Variants in CNBD1 observed in about 807,000 individuals in gnomAD.
CNBD1 encodes the protein cyclic nucleotide-binding domain-containing protein 1.
In CNBD1, 71 loss-of-function variants were observed where a neutral mutation model predicts 54.4. That is an observed-to-expected ratio of 1.30 (90% CI 1.08 to 1.59). CNBD1 has a LOEUF of 1.59. CNBD1 is among the 40% of genes most tolerant of loss of function. The probability of loss-of-function intolerance (pLI) is 0.00; values close to 1 mark genes in which losing one functional copy is unlikely to be tolerated. For synonymous variants in CNBD1, 182 were observed against 170.7 expected, an observed-to-expected ratio of 1.07 and a Z score of -0.51; for missense variants, 659 against 518.0, an observed-to-expected ratio of 1.27 and a Z score of -2.64.
At chr8:87,369,658 G>A (rs544220641) in intron 10 of CNBD1, among the ~76,000 whole-genome samples, 1 of 151,906 alleles carries the variant, frequency 6.6e-6, no homozygotes, top group Non-Finnish European at 1.5e-5. Flanking sequence ...AGTTTCCAAT[G>A]AGAAGTTGCT....
chr8:86,975,328 CCTGT>C (rs1168257700), intron 4 of CNBD1, among the ~76,000 whole-genome samples: 2 of 151,976 alleles, frequency 1.3e-5, no homozygotes, highest in Non-Finnish European at 2.9e-5. Flanking sequence ...CCAGAACCTT[CCTGT>C]CTAATGAAAT....
At chr8:86,971,922 T>C (rs1208540216) in intron 4 of CNBD1, among the ~76,000 whole-genome samples, 2 of 152,172 alleles carry the variant, frequency 1.3e-5, no homozygotes, top group Admixed American at 6.5e-5. Context: ...ATAGATATAT[T>C]TTATTTTCAT....
intron 2 of CNBD1, chr8:87,428,481 A>G (rs1414285621): frequency 2.1e-5 from 7 of 326,116 alleles, no homozygotes; most frequent in Admixed American, 1.7e-4. Context: ...AGGATTAGCA[A>G]TTGCTCTTTT....
chr8:86,992,195 G>A (rs1178399856), intron 4 of CNBD1, among the ~76,000 whole-genome samples: 1 of 152,036 alleles, frequency 6.6e-6, no homozygotes, highest in Non-Finnish European at 1.5e-5. Flanking sequence ...GTGTTCCAAT[G>A]TTGGGTGCAT....
chr8:87,043,013 G>C (rs1810105406), intron 4 of CNBD1, among the ~76,000 whole-genome samples: 2 of 152,200 alleles, frequency 1.3e-5, no homozygotes. Context: ...TGCCAAGACA[G>C]CTGTAGGTAA....
intron 3 of CNBD1, among the ~76,000 whole-genome samples, chr8:86,914,960 T>A (rs895824003): frequency 1.3e-4 from 20 of 152,324 alleles, no homozygotes; most frequent in African/African-American, 4.6e-4. Flanking sequence ...GTTGCCCAGA[T>A]AGAGCCAATT....
chr8:86,879,524 A>G (rs955299322), intron 1 of CNBD1, among the ~76,000 whole-genome samples: 6 of 152,186 alleles, frequency 3.9e-5, no homozygotes, highest in African/African-American at 1.4e-4. Context: ...AGAATATAAT[A>G]TCAAAAAGAC....
At chr8:87,280,025 T>G (rs1808564561) in intron 6 of CNBD1, among the ~76,000 whole-genome samples, 1 of 151,540 alleles carries the variant, frequency 6.6e-6, no homozygotes, top group Admixed American at 6.6e-5. Context: ...CATATAGGTT[T>G]GGAATAAATT....
At chr8:86,961,763 G>C (rs1003620634) in intron 4 of CNBD1, among the ~76,000 whole-genome samples, 2 of 152,244 alleles carry the variant, frequency 1.3e-5, no homozygotes, top group Admixed American at 1.3e-4. Context: ...CAGAGTGACA[G>C]CCATGAAGTA....
chr8:87,373,578 TGTA>T (rs1378373339), intron 10 of CNBD1, among the ~76,000 whole-genome samples: 1 of 151,844 alleles, frequency 6.6e-6, no homozygotes, highest in Admixed American at 6.6e-5. Context: ...TATGTAAAGT[TGTA>T]GGTTGTATAT....
At chr8:87,330,375 A>T (rs1586019737) in intron 8 of CNBD1, among the ~76,000 whole-genome samples, 3 of 147,020 alleles carry the variant, frequency 2.0e-5, no homozygotes, top group Non-Finnish European at 4.5e-5. Flanking sequence ...TACTAGTTTT[A>T]TTTTTTTTCT....
chr8:87,116,514 C>G (rs1811771786), intron 4 of CNBD1, among the ~76,000 whole-genome samples: 1 of 152,040 alleles, frequency 6.6e-6, no homozygotes. Flanking sequence ...GCACCTGGTG[C>G]TCATGTCTTA....
chr8:87,377,833 A>G (rs944884963), intron 10 of CNBD1, among the ~76,000 whole-genome samples: 1 of 150,368 alleles, frequency 6.7e-6, no homozygotes, highest in Non-Finnish European at 1.5e-5. Flanking sequence ...TGACTTTTTA[A>G]TGATTGCCAT....
At chr8:87,028,713 T>C (rs1809710257) in intron 4 of CNBD1, among the ~76,000 whole-genome samples, 1 of 152,234 alleles carries the variant, frequency 6.6e-6, no homozygotes, top group Non-Finnish European at 1.5e-5. Context: ...CTGGATGTGG[T>C]GATCTGATGA....
intron 6 of CNBD1, among the ~76,000 whole-genome samples, chr8:87,240,065 AACACACACACACACACACACAC>A (rs10608912): frequency 4.4e-4 from 65 of 146,518 alleles, no homozygotes; most frequent in Non-Finnish European, 2.1e-4. Flanking sequence ...TCTGTGCCAA[AACACACACACACACACACACAC>A]ACACACACAC....
chr8:87,133,989 C>A (rs1306031965), intron 4 of CNBD1, among the ~76,000 whole-genome samples: 1 of 152,078 alleles, frequency 6.6e-6, no homozygotes, highest in Non-Finnish European at 1.5e-5. Context: ...CTGCTTTATA[C>A]TTCCATTGAT....
intron 8 of CNBD1, among the ~76,000 whole-genome samples, chr8:87,335,807 C>T (rs901875057): frequency 6.6e-6 from 1 of 152,086 alleles, no homozygotes; most frequent in South Asian, 2.1e-4. Context: ...TGTCACTGGT[C>T]TTTATATTTT....
At chr8:87,344,921 C>A (rs1307274816) in intron 8 of CNBD1, among the ~76,000 whole-genome samples, 3 of 152,080 alleles carry the variant, frequency 2.0e-5, no homozygotes, top group Non-Finnish European at 2.9e-5. Flanking sequence ...GACAGTTACC[C>A]TGGTTAACTA....
chr8:86,935,907 G>A (rs1019855260), intron 3 of CNBD1, among the ~76,000 whole-genome samples: 2 of 152,032 alleles, frequency 1.3e-5, no homozygotes, highest in Admixed American at 6.6e-5. Context: ...ACTTTGGGAG[G>A]TGGAGGCAGG....
Sources: gnomAD v4.1 joint callset for allele counts (sites outside exome capture counted in the v4.1 genomes callset) on GRCh38, gnomAD v4.1.1 for gene constraint, MANE v1.5 for transcripts, NCBI Gene and HGNC (gene_info 2026-07-23, HGNC 2026-07-21) for gene names.